NRXN1: variants seen among roughly 807,000 people sequenced by gnomAD.
NRXN1 encodes the protein neurexin-1.
Under a neutral mutation model 150.9 loss-of-function variants are expected in NRXN1, and 39 were observed. That is an observed-to-expected ratio of 0.26 (90% CI 0.20 to 0.34). NRXN1 has a LOEUF of 0.34. NRXN1 is among the 10% of genes least tolerant of loss of function. The probability of loss-of-function intolerance (pLI) is 1.00; values close to 1 mark genes in which losing one functional copy is unlikely to be tolerated. For missense variants in NRXN1, 1,815 were observed against 1,949.9 expected (o/e 0.93, Z 1.30); for synonymous variants, 924 against 757.0 (o/e 1.22, Z -3.62).
intron 2 of NRXN1, among the ~76,000 whole-genome samples, chr2:51,024,260 A>G (rs1394446085): frequency 6.6e-6 from 1 of 152,188 alleles, no homozygotes; most frequent in Non-Finnish European, 1.5e-5. Context: ...CACTCAGGAA[A>G]GGTGACATTT....
intron 18 of NRXN1, among the ~76,000 whole-genome samples, chr2:50,180,080 G>A (rs2060604405): frequency 6.6e-6 from 1 of 152,046 alleles, no homozygotes; most frequent in African/African-American, 2.4e-5. Context: ...GGAGTGCAGT[G>A]GTTCAATCAG....
At chr2:50,234,711 C>T (rs549008786) in intron 18 of NRXN1, among the ~76,000 whole-genome samples, 9 of 151,924 alleles carry the variant, frequency 5.9e-5, no homozygotes, top group Non-Finnish European at 1.0e-4. Context: ...ACACGGTTTA[C>T]GAGCAAGGGA....
chr2:50,828,513 G>T (rs1357102573), intron 5 of NRXN1, among the ~76,000 whole-genome samples: 2 of 151,336 alleles, frequency 1.3e-5, no homozygotes, highest in Non-Finnish European at 2.9e-5. Context: ...CTTCTCAGAC[G>T]GGGCGGCTGG....
chr2:50,347,373 T>A lies in NRXN1; in HGVS notation c.3365-110403A>T. 1.7e-6 allele frequency: 2 copies of A among 1,195,876 alleles called. No homozygotes were observed. Among genetic ancestry groups the A allele is most frequent in the Non-Finnish European group, 2.1e-6 (2 of 944,902 alleles). 74.1% of individuals were successfully genotyped at this position (1,195,876 alleles called of 1,614,324 possible). A position where few individuals can be genotyped will look rare whatever the true frequency, so the allele number is the denominator to read the frequency against. On this transcript the variant is annotated intron_variant, in intron 17 of 22. Transcript: ENST00000401669. This position sits in a 1 kb window ranked among gnomAD's most constrained non-coding sequence, Gnocchi z 4.9. ...GGTCCTCACTTCTACATGACAGACATCCACCGCGAATCCACTAGGTAAATC... is the reference window on the plus strand; with the variant it reads ...GGTCCTCACTTCTACATGACAGACAACCACCGCGAATCCACTAGGTAAATC...
intron 2 of NRXN1, among the ~76,000 whole-genome samples, chr2:50,963,134 CT>C (rs1693476442): frequency 6.6e-6 from 1 of 151,612 alleles, no homozygotes; most frequent in Non-Finnish European, 1.5e-5. Flanking sequence ...AATAATTTCC[CT>C]TTTTGTTCTT....
rs1273601328 is a variant in NRXN1 at position 50,203,395 on chromosome 2, G to A, written c.3546+33394C>T. On this transcript the variant is annotated intron_variant, in intron 18 of 22. Coordinates refer to ENST00000401669, the MANE Select transcript of NRXN1 (RefSeq NM_001330078.2). Reference sequence around the variant, plus strand: ...TCTTGAATGTGTTTCTGTTATTGCTGAACCTTATTTTTGTACAAGGGTCCA... The same window carrying A: ...TCTTGAATGTGTTTCTGTTATTGCTAAACCTTATTTTTGTACAAGGGTCCA... 3.3e-5 allele frequency among the ~76,000 whole-genome samples: 5 copies of A among 152,242 alleles called. No individual in the cohort carries two copies. The East Asian group carries it at 9.7e-4, about 29-fold the overall frequency.
intron 2 of NRXN1, among the ~76,000 whole-genome samples, chr2:50,982,904 T>C (rs2104903275): frequency 6.6e-6 from 1 of 152,168 alleles, no homozygotes; most frequent in East Asian, 1.9e-4. Context: ...GACAAATTCC[T>C]GAAGCTGCCT....
chr2:50,451,286 T>C (rs1304815205), intron 17 of NRXN1, among the ~76,000 whole-genome samples: 2 of 152,182 alleles, frequency 1.3e-5, no homozygotes, highest in African/African-American at 2.4e-5. Context: ...CAATATTTTG[T>C]TCAACAACAT....
intron 9 of NRXN1, among the ~76,000 whole-genome samples, chr2:50,539,007 T>C (rs796853483): frequency 1.3e-5 from 2 of 152,306 alleles, no homozygotes; most frequent in African/African-American, 4.8e-5. Flanking sequence ...TTAGTGCTTG[T>C]TTTCAAAGCC....
At chr2:50,205,595 A>G (rs1350629951) in intron 18 of NRXN1, among the ~76,000 whole-genome samples, 1 of 152,066 alleles carries the variant, frequency 6.6e-6, no homozygotes, top group Non-Finnish European at 1.5e-5. Context: ...AGATGTGGAG[A>G]ATGGAAGAAA....
chr2:51,005,634 C>T (rs975390062), intron 2 of NRXN1, among the ~76,000 whole-genome samples: 6 of 151,784 alleles, frequency 4.0e-5, no homozygotes, highest in African/African-American at 1.4e-4. Flanking sequence ...AGTGTCAATA[C>T]ACAAAGGAGA....
intron 18 of NRXN1, among the ~76,000 whole-genome samples, chr2:50,149,082 C>T (rs114850079): frequency 1.6e-4 from 24 of 151,822 alleles, no homozygotes; most frequent in African/African-American, 5.8e-4. Context: ...CTTTTGCCTA[C>T]AGCAGCAGAG....
chr2:50,425,476 G>A (rs2084401690), intron 17 of NRXN1, among the ~76,000 whole-genome samples: 1 of 152,110 alleles, frequency 6.6e-6, no homozygotes, highest in Non-Finnish European at 1.5e-5. Flanking sequence ...TGGCATCCTA[G>A]TTTTTATTTT....
intron 5 of NRXN1, among the ~76,000 whole-genome samples, chr2:50,859,236 C>A (rs2106019128): frequency 6.6e-6 from 1 of 152,108 alleles, no homozygotes; most frequent in Admixed American, 6.5e-5. Context: ...AATACATTCA[C>A]ACTGTGTCTT....
chr2:50,539,253 G>A (rs1381280763), intron 9 of NRXN1, among the ~76,000 whole-genome samples: 1 of 152,090 alleles, frequency 6.6e-6, no homozygotes, highest in Admixed American at 6.6e-5. Flanking sequence ...AATAATACTA[G>A]TAATGTACAT....
At chr2:50,598,427 T>C (rs942360740) in intron 8 of NRXN1, among the ~76,000 whole-genome samples, 1 of 151,266 alleles carries the variant, frequency 6.6e-6, no homozygotes, top group South Asian at 2.1e-4. Flanking sequence ...TAAAATAAAA[T>C]AAACTTTTTT....
chr2:50,455,109 G>A (rs747896133), intron 17 of NRXN1, among the ~76,000 whole-genome samples: 1 of 152,148 alleles, frequency 6.6e-6, no homozygotes. Context: ...AGCATGTGAA[G>A]AACAAAGCAT....
intron 17 of NRXN1, among the ~76,000 whole-genome samples, chr2:50,298,195 T>C (rs1007520572): frequency 6.6e-6 from 1 of 152,176 alleles, no homozygotes; most frequent in Non-Finnish European, 1.5e-5. Context: ...TTGGCTCCCT[T>C]TCTTCAGGGT....
At chr2:50,235,734 A>C (rs2065352483) in intron 18 of NRXN1, among the ~76,000 whole-genome samples, 1 of 152,060 alleles carries the variant, frequency 6.6e-6, no homozygotes. Flanking sequence ...ACTTATAGGG[A>C]AAGACAAAAC....
Sources: allele counts gnomAD v4.1 joint callset (sites outside exome capture counted in the v4.1 genomes callset), GRCh38; gene constraint gnomAD v4.1.1; non-coding constraint Gnocchi (gnomAD v3.1); transcripts MANE v1.5; gene names NCBI Gene and HGNC (gene_info 2026-07-23, HGNC 2026-07-21).